The following XRCC4 variants were observed in gnomAD, a reference collection of about 807,000 sequenced individuals.
XRCC4 encodes the protein DNA repair protein XRCC4.
A neutral mutation model predicts 39.1 loss-of-function variants in XRCC4; 28 were observed. The ratio of observed to expected loss-of-function variants is 0.72; its 90% CI spans 0.53 to 0.98. XRCC4 has a LOEUF of 0.98. Ranked by LOEUF, XRCC4 falls within the 50% of genes least tolerant of loss-of-function variation. XRCC4 has a pLI of 0.00. For missense variants in XRCC4, 350 were observed against 376.4 expected (o/e 0.93, Z 0.58); for synonymous variants, 123 against 126.4 (o/e 0.97, Z 0.18).
At chr5:83,291,503 A>C (rs1231323596) in intron 7 of XRCC4, among the ~76,000 whole-genome samples, 2 of 151,872 alleles carry the variant, frequency 1.3e-5, no homozygotes, top group Non-Finnish European at 2.9e-5. Context: ...CTTTTCTTAG[A>C]TCAAAATCTA....
the XRCC4 span, among the ~76,000 whole-genome samples, chr5:83,365,189 C>A: frequency 2.6e-4 from 40 of 152,216 alleles, no homozygotes; most frequent in African/African-American, 9.1e-4. Flanking sequence ...GCTCAAAAGG[C>A]CCTGGAAAGC....
intron 7 of XRCC4, among the ~76,000 whole-genome samples, chr5:83,349,791 G>A (rs887271819): frequency 6.6e-6 from 1 of 152,026 alleles, no homozygotes; most frequent in Non-Finnish European, 1.5e-5. Flanking sequence ...TAGATACAGG[G>A]GGTACATGTG....
At chr5:83,312,239 GGA>G (rs1205750349) in intron 7 of XRCC4, among the ~76,000 whole-genome samples, 1 of 152,126 alleles carries the variant, frequency 6.6e-6, no homozygotes, top group East Asian at 1.9e-4. Context: ...ATTTCACAGA[GGA>G]GACTGAGAAA....
At position 83,244,446 on chromosome 5, in the gene XRCC4, T is replaced by C. The variant is rs544017409; in HGVS notation, c.746-14084T>C. ...ATTTTCAGTGAAGTTCTACATCTCT[T>C]ACTATATGTGACATCTGGATTTCTG... On this transcript the variant is annotated intron_variant, in intron 6 of 7. Transcript: ENST00000396027. 2.0e-5 allele frequency among the ~76,000 whole-genome samples: 3 copies of C among 152,346 alleles called. 1 individual carries two copies. The highest frequency in any genetic ancestry group is 1.9e-4 in the East Asian group (1 of 5,180).
chr5:83,303,999 T>G (rs1476048084), intron 7 of XRCC4, among the ~76,000 whole-genome samples: 1 of 151,814 alleles, frequency 6.6e-6, no homozygotes, highest in Admixed American at 6.6e-5. Flanking sequence ...AAATCACAGA[T>G]TACCTAGAAG....
At chr5:83,132,421 T>G (rs905676257) in intron 3 of XRCC4, among the ~76,000 whole-genome samples, 3 of 152,166 alleles carry the variant, frequency 2.0e-5, no homozygotes, top group Non-Finnish European at 4.4e-5. Flanking sequence ...AATTTGAATG[T>G]TGGCCTTCCT....
At chr5:83,100,758 T>C (rs1356804071) in intron 1 of XRCC4, among the ~76,000 whole-genome samples, 2 of 150,660 alleles carry the variant, frequency 1.3e-5, no homozygotes, top group Non-Finnish European at 3.0e-5. Flanking sequence ...ATTAGAATTA[T>C]GTAAGCCTTG....
chr5:83,347,933 G>A (rs1756964478), intron 7 of XRCC4, among the ~76,000 whole-genome samples: 1 of 152,166 alleles, frequency 6.6e-6, no homozygotes, highest in Non-Finnish European at 1.5e-5. Context: ...AAACAAAGGG[G>A]CTACAGGCCC....
At chr5:83,251,448 C>T (rs900619380) in intron 6 of XRCC4, among the ~76,000 whole-genome samples, 21 of 143,056 alleles carry the variant, frequency 1.5e-4, no homozygotes, top group African/African-American at 3.8e-4. Context: ...GGCTTGAACC[C>T]GGGAGGTGGA....
At chr5:83,214,028 C>G (rs1363049551) in intron 6 of XRCC4, among the ~76,000 whole-genome samples, 1 of 152,150 alleles carries the variant, frequency 6.6e-6, no homozygotes, top group Non-Finnish European at 1.5e-5. Context: ...CAAACACTCT[C>G]AACAAACCAG....
rs371705363 is a variant in XRCC4 at position 83,174,806 on chromosome 5, G to T, written c.316-20964G>T. ...AAACAGTAATTTTAGTACTGCAATAGTTCAACAGTTTTGTCTGGCTACATA... is the reference window on the plus strand; with the variant it reads ...AAACAGTAATTTTAGTACTGCAATATTTCAACAGTTTTGTCTGGCTACATA... On this transcript the variant is annotated intron_variant, in intron 3 of 7. Coordinates refer to ENST00000396027, the MANE Select transcript of XRCC4 (RefSeq NM_003401.5). Among the ~76,000 whole-genome samples the T allele has an allele frequency of 1.1e-4, 17 of 152,276 alleles. 1 individual carries two copies. The South Asian group carries it at 3.1e-3, about 28-fold the overall frequency.
rs549196272 is a variant in XRCC4, at chr5:83,091,928, G to A, written c.-10-12982G>A. On this transcript the variant is annotated intron_variant, in intron 1 of 7. Transcript: ENST00000396027. The stretch of plus-strand genomic sequence containing the variant: ...GTAATTCTATTTTTAGTTTTTTGAG[G>A]ATCCTCCATACTGTTTCCCGTAATG... 7.8e-4 allele frequency among the ~76,000 whole-genome samples: 119 copies of A among 152,238 alleles called. 1 individual carries two copies. The highest frequency in any genetic ancestry group is 2.7e-3 in the African/African-American group (111 of 41,550).
Position 83,274,717 on chromosome 5 carries a change from C to T in XRCC4, c.893+16040C>T, listed in dbSNP as rs28360260. Among the ~76,000 whole-genome samples the T allele has an allele frequency of 3.7e-3, 556 of 152,232 alleles. 12 individuals are homozygous for T. The East Asian group carries it at 0.072, about 20-fold the overall frequency. On this transcript the variant is annotated intron_variant, in intron 7 of 7. Coordinates refer to ENST00000396027, the MANE Select transcript of XRCC4 (RefSeq NM_003401.5). ...TGCAAAGATTGAAAGAAAGGTAATGCAAAGGCCCTCAGGTGAGCAAATCCA... is the reference window on the plus strand; with the variant it reads ...TGCAAAGATTGAAAGAAAGGTAATGTAAAGGCCCTCAGGTGAGCAAATCCA...
chr5:83,086,275 C>T (rs368630454), intron 1 of XRCC4, among the ~76,000 whole-genome samples: 8 of 152,160 alleles, frequency 5.3e-5, no homozygotes, highest in East Asian at 3.9e-4. Context: ...CAACCTCTCA[C>T]GCAGTTGAAA....
intron 5 of XRCC4, 45 bp downstream of exon 5, chr5:83,203,752 A>G (rs951911727): frequency 1.3e-6 from 2 of 1,595,208 alleles, no homozygotes; most frequent in Non-Finnish European, 1.7e-6. Flanking sequence ...AATACATTTA[A>G]GTGGAATTTC....
At chr5:83,354,560 T>C (rs1757168314), downstream of XRCC4, among the ~76,000 whole-genome samples, 1 of 152,236 alleles carries the variant, frequency 6.6e-6, no homozygotes, top group African/African-American at 2.4e-5. Context: ...AAATTGTTTG[T>C]ATTAAATCTT....
At chr5:83,100,165 G>A (rs1182609915) in intron 1 of XRCC4, among the ~76,000 whole-genome samples, 3 of 152,048 alleles carry the variant, frequency 2.0e-5, no homozygotes, top group Non-Finnish European at 1.5e-5. Flanking sequence ...TGTCACTTAT[G>A]GGCTATTAAT....
chr5:83,303,529 G>T (rs1280099903), intron 7 of XRCC4, among the ~76,000 whole-genome samples: 1 of 152,000 alleles, frequency 6.6e-6, no homozygotes, highest in Admixed American at 6.6e-5. Context: ...AAATTATAAG[G>T]AAAGTAGTAA....
At chr5:83,266,560 G>A (rs994044648) in intron 7 of XRCC4, among the ~76,000 whole-genome samples, 11 of 151,818 alleles carry the variant, frequency 7.2e-5, no homozygotes, top group Non-Finnish European at 1.0e-4. Context: ...TGATCCATTA[G>A]TATTATTCAA....
Sources: gnomAD v4.1 joint callset for allele counts (sites outside exome capture counted in the v4.1 genomes callset) on GRCh38, gnomAD v4.1.1 for gene constraint, MANE v1.5 for transcripts, NCBI Gene and HGNC (gene_info 2026-07-23, HGNC 2026-07-21) for gene names.